FAM217A: variants seen among roughly 807,000 people sequenced by gnomAD.
FAM217A encodes the protein family with sequence similarity 217 member A, also known as protein FAM217A.
Under a neutral mutation model 18.5 loss-of-function variants are expected in FAM217A, and 13 were observed. The ratio of observed to expected loss-of-function variants is 0.70; its 90% CI spans 0.46 to 1.12. The LOEUF (loss-of-function observed/expected upper bound fraction) is 1.12, where lower values mean the gene tolerates loss of function less well. Among genes scored for constraint, FAM217A ranks in the 50% most tolerant of loss-of-function variants. FAM217A has a pLI of 0.00. For synonymous variants in FAM217A, 161 were observed against 202.8 expected, an observed-to-expected ratio of 0.79 and a Z score of 1.75; for missense variants, 560 against 575.4, an observed-to-expected ratio of 0.97 and a Z score of 0.27.
Position 4,068,995 on chromosome 6 carries a change from G to A in FAM217A, c.1228C>T (p.Pro410Ser). The change falls in exon 7 of 7, where the codon CCA becomes TCA. Residue 410 changes from proline to serine, a missense_variant. Transcript: ENST00000274673. ...DKNPKSSILSPCQELSFKPTI... is the reference protein window; with the variant it reads ...DKNPKSSILSSCQELSFKPTI... ...GGTTTGAATGAGAGTTCTTGGCATG[G>A]ACTTAAAATAGAACTTTTGGGATTC... is the stretch of plus-strand genomic sequence containing the variant. 6.2e-7 allele frequency: 1 copy of A among 1,613,934 alleles called. No individual in the cohort carries two copies. The highest frequency in any genetic ancestry group is 8.5e-7 in the Non-Finnish European group (1 of 1,179,978).
At chr6:4,081,468 C>T (rs146350510), upstream of FAM217A, among the ~76,000 whole-genome samples, 4 of 152,192 alleles carry the variant, frequency 2.6e-5, no homozygotes, top group South Asian at 2.1e-4. Context: ...CCAGCCACCA[C>T]GCCCGGCTAA....
At chr6:4,074,168 A>G (rs765418294) in intron 4 of FAM217A, among the ~76,000 whole-genome samples, 39 of 152,154 alleles carry the variant, frequency 2.6e-4, no homozygotes, top group Non-Finnish European at 4.0e-4. Flanking sequence ...AAGACATTTT[A>G]AAGGACAGGA....
intron 1 of FAM217A, among the ~76,000 whole-genome samples, chr6:4,078,517 G>A (rs1472786594): frequency 6.6e-6 from 1 of 152,194 alleles, no homozygotes; most frequent in Non-Finnish European, 1.5e-5. Flanking sequence ...CAGACACTAG[G>A]TCTGAATGCA....
At chr6:4,083,421 C>T (rs1251487192), upstream of FAM217A, among the ~76,000 whole-genome samples, 2 of 152,352 alleles carry the variant, frequency 1.3e-5, no homozygotes, top group Admixed American at 6.5e-5. Flanking sequence ...CAGTCTACCT[C>T]CTTCAGTATC....
upstream of FAM217A, chr6:4,079,169 G>C (rs1770082325): frequency 3.1e-6 from 1 of 325,430 alleles, no homozygotes; most frequent in African/African-American, 2.2e-5. Context: ...CCAGAGAGCG[G>C]GGGCGCCCGG....
chr6:4,072,762 C>CAA (rs11307567), intron 6 of FAM217A, among the ~76,000 whole-genome samples: 1 of 145,408 alleles, frequency 6.9e-6, no homozygotes, highest in African/African-American at 2.5e-5. Context: ...AACTCCGTCT[C>CAA]AAAAAAAAAA....
chr6:4,075,058 G>A lies in FAM217A; in HGVS notation c.61-397C>T, dbSNP rs558601622. On this transcript the variant is annotated intron_variant, in intron 2 of 6. Coordinates refer to ENST00000274673, the MANE Select transcript of FAM217A (RefSeq NM_173563.3). ...TCTAAAAGTCTATAAAAAGCCAGGT[G>A]TGGTGGCTCATGCCTGTACTCCCAG... Among the ~76,000 whole-genome samples, 14 of 152,334 alleles carry A rather than the reference G, an allele frequency of 9.2e-5. 1 individual carries two copies. In the East Asian group the frequency reaches 2.3e-3, roughly 25 times the overall value.
Position 4,069,706 on chromosome 6 carries a change from T to C in FAM217A, c.517A>G (p.Ile173Val), listed in dbSNP as rs151079256. The C allele has an allele frequency of 1.1e-3, 1,769 of 1,614,186 alleles. 9 individuals carry two copies. In the African/African-American group the frequency reaches 0.017, roughly 15 times the overall value. The change falls in exon 7 of 7, where the codon ATA (isoleucine) becomes GTA (valine). Residue 173 changes from isoleucine to valine, a missense_variant. Ile to Val is a conservative substitution (Grantham distance 29, BLOSUM62 3). Coordinates refer to ENST00000274673, the MANE Select transcript of FAM217A (RefSeq NM_173563.3). ...NEIHVSSCST[I>V]ENNDGETLPA... ...AATGTTTCACCATCATTGTTTTCTA[T>C]AGTTGAACATGAACTAACATGAATC...
At chr6:4,080,394 A>G (rs757488175), upstream of FAM217A, among the ~76,000 whole-genome samples, 1 of 152,144 alleles carries the variant, frequency 6.6e-6, no homozygotes, top group East Asian at 1.9e-4. Flanking sequence ...TAGAATATCA[A>G]ACTCCATGTG....
intron 1 of FAM217A, among the ~76,000 whole-genome samples, chr6:4,085,376 A>G (rs1249412263): frequency 1.3e-5 from 2 of 151,806 alleles, no homozygotes; most frequent in East Asian, 1.9e-4. Context: ...TAAAAACAAA[A>G]TTTAATAATT....
Position 4,078,881 on chromosome 6 carries a change from G to T in FAM217A, c.-64C>A. On this transcript the variant is annotated 5_prime_UTR_variant, in exon 1 of 7. Coordinates refer to ENST00000274673, the MANE Select transcript of FAM217A (RefSeq NM_173563.3). ...CGAAGGCCCACGTGTCCTCCCCGGCGTGCTCTCCCGGTGCGCCGCCCCGAG... is the reference window on the plus strand; with the variant it reads ...CGAAGGCCCACGTGTCCTCCCCGGCTTGCTCTCCCGGTGCGCCGCCCCGAG... 1.8e-6 allele frequency: 1 copy of T among 558,438 alleles called. No individual in the cohort carries two copies. Among genetic ancestry groups the T allele is most frequent in the Non-Finnish European group, 3.2e-6 (1 of 310,036 alleles). 34.6% of individuals were successfully genotyped at this position (558,438 alleles called of 1,614,324 possible). A position where few individuals can be genotyped will look rare whatever the true frequency, so the allele number is the denominator to read the frequency against.
chr6:4,079,743 T>C (rs1770147255), upstream of FAM217A: 13 of 968,226 alleles, frequency 1.3e-5, no homozygotes, highest in South Asian at 1.9e-4. Flanking sequence ...GTTATATCTA[T>C]GCTTGTACAA....
At chr6:4,079,589 G>A (rs1241051478), upstream of FAM217A, 1 of 1,287,384 alleles carries the variant, frequency 7.8e-7, no homozygotes. Context: ...TCCGCGACAT[G>A]GCCAGTGGGC....
At chr6:4,081,360 A>G (rs1003835546), upstream of FAM217A, among the ~76,000 whole-genome samples, 3 of 152,024 alleles carry the variant, frequency 2.0e-5, no homozygotes, top group African/African-American at 7.2e-5. Flanking sequence ...CTAGAGTGCA[A>G]TCGTGTGATC....
At chr6:4,075,939 A>G (rs1435076402) in intron 2 of FAM217A, among the ~76,000 whole-genome samples, 1 of 152,194 alleles carries the variant, frequency 6.6e-6, no homozygotes, top group Non-Finnish European at 1.5e-5. Context: ...CTCTGGCATG[A>G]TATGTACAAG....
intron 2 of FAM217A, 74 bp downstream of exon 2, chr6:4,077,281 A>T (rs2113875279): frequency 6.7e-7 from 1 of 1,488,966 alleles, no homozygotes; most frequent in East Asian, 2.3e-5. Context: ...CACTACAAGA[A>T]AACTCCATGG....
At chr6:4,075,944 T>C (rs1040511395) in intron 2 of FAM217A, among the ~76,000 whole-genome samples, 38 of 152,318 alleles carry the variant, frequency 2.5e-4, no homozygotes, top group African/African-American at 9.1e-4. Flanking sequence ...GCATGATATG[T>C]ACAAGGGCTA....
chr6:4,078,518 T>C (rs1770019636), intron 1 of FAM217A, among the ~76,000 whole-genome samples: 1 of 152,156 alleles, frequency 6.6e-6, no homozygotes, highest in African/African-American at 2.4e-5. Context: ...AGACACTAGG[T>C]CTGAATGCAG....
At chr6:4,077,317 G>C in intron 2 of FAM217A, 38 bp downstream of exon 2, 1 of 1,608,708 alleles carries the variant, frequency 6.2e-7, no homozygotes, top group Middle Eastern at 1.7e-4. Context: ...AACAGGAGCC[G>C]CTGCCCAAAC....
Sources: allele counts gnomAD v4.1 joint callset (sites outside exome capture counted in the v4.1 genomes callset), GRCh38; gene constraint gnomAD v4.1.1; transcripts MANE v1.5; gene names NCBI Gene and HGNC (gene_info 2026-07-23, HGNC 2026-07-21).